SYT17: variants seen among roughly 807,000 people sequenced by gnomAD.
The protein encoded by SYT17 is synaptotagmin 17, also known as synaptotagmin-17.
In SYT17, 22 loss-of-function variants were observed where a neutral mutation model predicts 46.7. The observed-to-expected ratio is 0.47, with a 90% CI of 0.34 to 0.67. The LOEUF is 0.67. Ranked by LOEUF, SYT17 falls within the 30% of genes least tolerant of loss-of-function variation. The pLI is 0.01. For synonymous variants in SYT17, 251 were observed against 248.4 expected (o/e 1.01, Z -0.10); for missense variants, 519 against 612.8 (o/e 0.85, Z 1.62).
At chr16:19,248,891 T>A (rs1329168178) in intron 7 of SYT17, among the ~76,000 whole-genome samples, 2 of 151,736 alleles carry the variant, frequency 1.3e-5, no homozygotes, top group Admixed American at 6.6e-5. Flanking sequence ...CACATACACA[T>A]GGCCGAATCT....
chr16:19,223,280 G>A, intron 6 of SYT17, 115 bp downstream of exon 6: 1 of 1,300,530 alleles, frequency 7.7e-7, no homozygotes, highest in Non-Finnish European at 1.1e-6. Context: ...TCAGGATGAG[G>A]CAGGTAAATG....
intron 7 of SYT17, among the ~76,000 whole-genome samples, chr16:19,239,998 G>T (rs7193750): frequency 0.1 from 15,209 of 152,198 alleles, 1,669 homozygotes; most frequent in East Asian, 0.36. Context: ...AGCTTCAACG[G>T]CTGGCACCGG....
At chr16:19,197,754 A>G (rs1965310015) in intron 5 of SYT17, among the ~76,000 whole-genome samples, 1 of 152,096 alleles carries the variant, frequency 6.6e-6, no homozygotes, top group Admixed American at 6.5e-5. Flanking sequence ...TCCTAGTTAT[A>G]AAATGAACTA....
chr16:19,266,244 C>A (rs1969343269), intron 7 of SYT17, among the ~76,000 whole-genome samples: 1 of 152,226 alleles, frequency 6.6e-6, no homozygotes, highest in Non-Finnish European at 1.5e-5. Context: ...ATGGCTTAAC[C>A]TAGTGGTTCC....
At chr16:19,200,292 A>G (rs1965411294) in intron 5 of SYT17, among the ~76,000 whole-genome samples, 1 of 152,368 alleles carries the variant, frequency 6.6e-6, no homozygotes, top group South Asian at 2.1e-4. Flanking sequence ...TTAAATTCCT[A>G]GGAAACACAT....
chr16:19,263,216 G>A (rs1215945596), intron 7 of SYT17, among the ~76,000 whole-genome samples: 1 of 152,068 alleles, frequency 6.6e-6, no homozygotes, highest in African/African-American at 2.4e-5. Flanking sequence ...AAGGAGCCCT[G>A]TGCCAATTAG....
intron 2 of SYT17, chr16:19,173,113 T>C: frequency 1.8e-6 from 1 of 544,536 alleles, no homozygotes; most frequent in Non-Finnish European, 3.2e-6. Context: ...ATAGCCCTTA[T>C]GATGTTGTAT....
rs1438443981 is a variant in SYT17, at chr16:19,183,081, T to C, written c.332-447T>C. ...GGCACTCTGGTCCCAGAGCTCACTC[T>C]CTTAAAGTGGAGACATCGTAGGATA... On this transcript the variant is annotated intron_variant, in intron 4 of 7. Transcript: ENST00000355377. This position sits in a 1 kb window ranked among gnomAD's most constrained non-coding sequence, Gnocchi z 5.6. Among the ~76,000 whole-genome samples, 1 of 152,184 alleles carries C rather than the reference T, an allele frequency of 6.6e-6. No homozygotes were observed. The highest frequency in any genetic ancestry group is 2.4e-5 in the African/African-American group (1 of 41,448).
chr16:19,264,781 G>T (rs1268939185), intron 7 of SYT17, among the ~76,000 whole-genome samples: 4 of 151,866 alleles, frequency 2.6e-5, no homozygotes, highest in Admixed American at 2.6e-4. Flanking sequence ...TTTAGTAAAG[G>T]CAGGGTTTTT....
intron 7 of SYT17, 137 bp downstream of exon 7, chr16:19,224,975 T>A (rs1458580771): frequency 3.0e-5 from 28 of 945,816 alleles, no homozygotes; most frequent in Non-Finnish European, 4.4e-5. Context: ...TTGAACCCAC[T>A]TAACATCTAT....
chr16:19,267,157 C>T lies in SYT17; in HGVS notation c.*81C>T. On this transcript the variant is annotated 3_prime_UTR_variant, in exon 8 of 8. Coordinates refer to ENST00000355377, the MANE Select transcript of SYT17 (RefSeq NM_016524.4). ...AAAATGTGTCACATACTATTACATCCACACCTGCATACACACTCGCAACAT... is the reference window on the plus strand; with the variant it reads ...AAAATGTGTCACATACTATTACATCTACACCTGCATACACACTCGCAACAT... 7.8e-7 allele frequency: 1 copy of T among 1,276,256 alleles called. No homozygotes were observed. The highest frequency in any genetic ancestry group is 1.1e-6 in the Non-Finnish European group (1 of 947,898). The allele number at this position is 1,276,256 out of a possible 1,614,324, so 79.1% of individuals were successfully genotyped here.
At chr16:19,250,876 T>C (rs1968010781) in intron 7 of SYT17, among the ~76,000 whole-genome samples, 1 of 152,160 alleles carries the variant, frequency 6.6e-6, no homozygotes, top group South Asian at 2.1e-4. Context: ...CCCATGTCAG[T>C]TACTTCCCCC....
chr16:19,248,763 A>C (rs757019486), intron 7 of SYT17, among the ~76,000 whole-genome samples: 2 of 152,114 alleles, frequency 1.3e-5, no homozygotes, highest in Non-Finnish European at 2.9e-5. Flanking sequence ...CGGAAGTTGC[A>C]GTGAGCTGAG....
intron 5 of SYT17, among the ~76,000 whole-genome samples, chr16:19,188,032 G>A (rs904541425): frequency 2.0e-5 from 3 of 152,258 alleles, no homozygotes; most frequent in Admixed American, 2.0e-4. Context: ...ACACATGCAT[G>A]CGTTATGTTC....
chr16:19,189,580 G>T (rs908516227), intron 5 of SYT17, among the ~76,000 whole-genome samples: 12 of 152,108 alleles, frequency 7.9e-5, no homozygotes, highest in African/African-American at 2.7e-4. Context: ...AAACCACTGG[G>T]TTCAAGCGAT....
chr16:19,219,886 A>G (rs190945410), intron 5 of SYT17, among the ~76,000 whole-genome samples: 60 of 152,276 alleles, frequency 3.9e-4, no homozygotes, highest in African/African-American at 1.4e-3. Context: ...GTTTTAAAAT[A>G]AAAGGAAATA....
In SYT17 at chr16:19,266,966, C is replaced by A; in HGVS notation, c.1315C>A (p.His439Asn). ...CTCTTCAGGCCCCTCTGAGACCAACCACTGGAGGCGCATGCTCAACACGCA... is the reference window on the plus strand; with the variant it reads ...CTCTTCAGGCCCCTCTGAGACCAACAACTGGAGGCGCATGCTCAACACGCA... The part of the protein sequence containing the change: ...QYSSGPSETN[H>N]WRRMLNTHRT... Residue 439 changes from histidine to asparagine, a missense_variant, in exon 8 of 8, where the codon CAC becomes AAC. By Grantham distance (68) the His-to-Asn change is moderately conservative. Transcript: ENST00000355377. The A allele has an allele frequency of 1.2e-6, 2 of 1,613,888 alleles. No individual in the cohort carries two copies. Among genetic ancestry groups the A allele is most frequent in the Non-Finnish European group, 1.7e-6 (2 of 1,180,002 alleles).
chr16:19,244,193 A>C (rs895554717), intron 7 of SYT17, among the ~76,000 whole-genome samples: 2 of 152,206 alleles, frequency 1.3e-5, no homozygotes, highest in Non-Finnish European at 2.9e-5. Flanking sequence ...TTTTACAGGG[A>C]AAGAAACTGA....
At chr16:19,250,401 G>GTGTC (rs1322036801) in intron 7 of SYT17, among the ~76,000 whole-genome samples, 1 of 146,374 alleles carries the variant, frequency 6.8e-6, no homozygotes, top group Non-Finnish European at 1.5e-5. Context: ...GTGTGTGTGT[G>GTGTC]TGTTTGGAGA....
Sources: allele counts gnomAD v4.1 joint callset (sites outside exome capture counted in the v4.1 genomes callset), GRCh38; gene constraint gnomAD v4.1.1; non-coding constraint Gnocchi (gnomAD v3.1); transcripts MANE v1.5; gene names NCBI Gene and HGNC (gene_info 2026-07-23, HGNC 2026-07-21).